PCDHGA7: variants seen among roughly 807,000 people sequenced by gnomAD.
PCDHGA7 encodes protocadherin gamma-A7.
Under a neutral mutation model 58.3 loss-of-function variants are expected in PCDHGA7, and 44 were observed. That is an observed-to-expected ratio of 0.75 (90% confidence interval 0.59 to 0.97). The LOEUF is 0.97. Among genes scored for constraint, PCDHGA7 ranks in the 50% least tolerant of loss-of-function variants. The probability of loss-of-function intolerance (pLI) is 0.00; values close to 1 mark genes in which losing one functional copy is unlikely to be tolerated. For missense variants in PCDHGA7, 1,266 were observed against 1,188.7 expected, an observed-to-expected ratio of 1.06 and a Z score of -0.96; for synonymous variants, 516 against 504.2, an observed-to-expected ratio of 1.02 and a Z score of -0.31.
intron 1 of PCDHGA7, chr5:141,409,044 T>G (rs2095215005): frequency 6.2e-7 from 1 of 1,613,762 alleles, no homozygotes; most frequent in African/African-American, 1.3e-5. Context: ...AACTACTACT[T>G]CCGAAGCACT....
At chr5:141,413,198 C>T in intron 1 of PCDHGA7, 5 of 1,611,416 alleles carry the variant, frequency 3.1e-6, no homozygotes, top group Non-Finnish European at 2.5e-6. Flanking sequence ...AGGAATCGCT[C>T]AAAGGAATCA....
chr5:141,442,052 G>T (rs2098295034), intron 1 of PCDHGA7: 1 of 197,576 alleles, frequency 5.1e-6, no homozygotes, highest in South Asian at 6.6e-5. Flanking sequence ...TACTGGTCGC[G>T]GTGCACTGCG....
chr5:141,414,515 C>T, intron 1 of PCDHGA7: 1 of 1,613,958 alleles, frequency 6.2e-7, no homozygotes, highest in Non-Finnish European at 8.5e-7. Flanking sequence ...CTACAAGTGG[C>T]AGATATCAAT....
Position 141,456,898 on chromosome 5 carries a change from G to A in PCDHGA7, c.2425-37909G>A, listed in dbSNP as rs1046778634. 3.9e-5 allele frequency among the ~76,000 whole-genome samples: 6 copies of A among 152,284 alleles called. No individual in the cohort carries two copies. The South Asian group carries it at 6.2e-4, about 16-fold the overall frequency. On this transcript the variant is annotated intron_variant, in intron 1 of 3. Transcript: ENST00000518325. ...GAATCGCTTGAACCCGGGAGGCAGA[G>A]GTTGCAGTGAGCCGAGATCGCACCA...
At position 141,400,119 on chromosome 5, in the gene PCDHGA7, G is replaced by A. The variant is rs543287685; in HGVS notation, c.2424+14796G>A. ...TGCACTTGGTCTTTGCTGACAGCTTGCAGGAGGTGCTGCCGGATATCACTG... is the reference window on the plus strand; with the variant it reads ...TGCACTTGGTCTTTGCTGACAGCTTACAGGAGGTGCTGCCGGATATCACTG... On this transcript the variant is annotated intron_variant, in intron 1 of 3. Transcript: ENST00000518325. 3 of 1,614,076 alleles carry A rather than the reference G, an allele frequency of 1.9e-6. No individual in the cohort carries two copies. The Admixed American group carries it at 5.0e-5, about 27-fold the overall frequency.
intron 1 of PCDHGA7, among the ~76,000 whole-genome samples, chr5:141,435,367 A>C (rs2097758993): frequency 1.3e-5 from 2 of 152,194 alleles, no homozygotes; most frequent in African/African-American, 4.8e-5. Flanking sequence ...TTTATCACTT[A>C]AATATACAAT....
Position 141,394,314 on chromosome 5 carries a change from CT to C in PCDHGA7, c.2424+8992del, listed in dbSNP as rs772070804. On this transcript the variant is annotated intron_variant, in intron 1 of 3. Transcript: ENST00000518325. ...CGAGGACACGCTGCAGGGGGCGCCC[CT>C]GTCCTCGTATATCTCCATCAACTCT... 4.3e-6 allele frequency: 7 copies of C among 1,614,038 alleles called. 1 individual carries two copies. Among genetic ancestry groups the C allele is most frequent in the East Asian group, 4.5e-5 (2 of 44,882 alleles).
chr5:141,390,097 C>T, intron 1 of PCDHGA7: 1 of 1,614,026 alleles, frequency 6.2e-7, no homozygotes, highest in Non-Finnish European at 8.5e-7. Context: ...TCCGTGGTTC[C>T]CCCCAACTAC....
At chr5:141,494,752 T>G (rs889400984) in intron 1 of PCDHGA7, 55 bp from the exon 2 acceptor site, 6 of 1,612,324 alleles carry the variant, frequency 3.7e-6, no homozygotes, top group East Asian at 2.2e-5. Flanking sequence ...GGGGCTCGGG[T>G]GACATTCTAA....
intron 1 of PCDHGA7, among the ~76,000 whole-genome samples, chr5:141,425,919 GA>G (rs2096903434): frequency 6.6e-6 from 1 of 152,056 alleles, no homozygotes; most frequent in African/African-American, 2.4e-5. Flanking sequence ...CAGTCACTAC[GA>G]AAACTCATAA....
chr5:141,439,065 C>T (rs571768018), intron 1 of PCDHGA7, among the ~76,000 whole-genome samples: 13 of 151,628 alleles, frequency 8.6e-5, no homozygotes, highest in East Asian at 7.9e-4. Flanking sequence ...GTGTGGCAGG[C>T]GCCTGTAATC....
rs770047743 is a variant in PCDHGA7 at position 141,383,733 on chromosome 5, A to G, written c.834A>G (p.Thr278=). The G allele has an allele frequency of 6.8e-6, 11 of 1,613,886 alleles. No homozygotes were observed. Among genetic ancestry groups the G allele is most frequent in the South Asian group, 6.6e-5 (6 of 91,092 alleles). The change falls in exon 1 of 4, where the codon ACA becomes ACG. Residue 278 remains threonine, a synonymous_variant. Transcript: ENST00000518325. ...DLDEGVNGEV[T]YSFRKITPKL... ...ACGAGGGAGTCAATGGGGAAGTGAC[A>G]TATTCTTTTCGGAAAATAACTCCTA...
chr5:141,442,472 C>T (rs1032989256), intron 1 of PCDHGA7: 1 of 152,204 alleles, frequency 6.6e-6, no homozygotes, highest in Non-Finnish European at 1.5e-5. Context: ...GCAGAAAGCC[C>T]CTTGGGGAAG....
At chr5:141,464,407 A>C (rs996561936) in intron 1 of PCDHGA7, among the ~76,000 whole-genome samples, 1 of 151,544 alleles carries the variant, frequency 6.6e-6, no homozygotes, top group Non-Finnish European at 1.5e-5. Flanking sequence ...CCTGAGATAT[A>C]TATATATCTA....
chr5:141,423,572 G>T (rs1239529114), intron 1 of PCDHGA7: 2 of 1,613,510 alleles, frequency 1.2e-6, no homozygotes, highest in African/African-American at 1.3e-5. Context: ...ACGCTCATCA[G>T]CCAGGAGAGC....
Position 141,403,252 on chromosome 5 carries a change from G to A in PCDHGA7, c.2424+17929G>A, listed in dbSNP as rs180687908. 8.6e-4 allele frequency: 1,389 copies of A among 1,613,900 alleles called. 2 individuals carry two copies. Among genetic ancestry groups the A allele is most frequent in the Non-Finnish European group, 1.1e-3 (1,338 of 1,179,904 alleles). On this transcript the variant is annotated intron_variant, in intron 1 of 3. Transcript: ENST00000518325. Reference sequence around the variant, plus strand: ...GGGAGGAGCTCTGTGCTCAGAGCCCGCGGTGTCTGGTGAACTTTAAAGTCC... The same window carrying A: ...GGGAGGAGCTCTGTGCTCAGAGCCCACGGTGTCTGGTGAACTTTAAAGTCC...
intron 1 of PCDHGA7, chr5:141,408,051 C>G (rs894200228): frequency 3.2e-5 from 41 of 1,264,370 alleles, no homozygotes; most frequent in African/African-American, 1.1e-4. Flanking sequence ...CCACACAGAG[C>G]CTCCCGGCTG....
At chr5:141,400,165 C>T (rs749867110) in intron 1 of PCDHGA7, 2 of 1,614,040 alleles carry the variant, frequency 1.2e-6, no homozygotes, top group South Asian at 2.2e-5. Flanking sequence ...ACCCTCTGAC[C>T]CCCAGGCTGA....
chr5:141,398,237 T>G, intron 1 of PCDHGA7: 1 of 1,479,534 alleles, frequency 6.8e-7, no homozygotes, highest in Non-Finnish European at 9.2e-7. Context: ...CGCTACAGGA[T>G]TCCCGAGGAA....
Sources: allele counts gnomAD v4.1 joint callset (sites outside exome capture counted in the v4.1 genomes callset), GRCh38; gene constraint gnomAD v4.1.1; transcripts MANE v1.5; gene names NCBI Gene and HGNC (gene_info 2026-07-23, HGNC 2026-07-21).